The following CCDC81 variants were observed in gnomAD, a reference collection of about 807,000 sequenced individuals.
CCDC81 encodes the protein coiled-coil domain-containing protein 81.
CCDC81 carries 79 observed loss-of-function variants against 83.7 expected under a neutral mutation model. The ratio of observed to expected loss-of-function variants is 0.94; its 90% confidence interval spans 0.79 to 1.14. The LOEUF is 1.14. Among genes scored for constraint, CCDC81 ranks in the 50% most tolerant of loss-of-function variants. The pLI, the probability that CCDC81 is intolerant of heterozygous loss-of-function variation, is 0.00. For synonymous variants in CCDC81, 252 were observed against 278.1 expected (o/e 0.91, Z 0.93); for missense variants, 791 against 778.1 (o/e 1.02, Z -0.20).
intron 2 of CCDC81, among the ~76,000 whole-genome samples, chr11:86,386,745 TTAAA>T (rs767647352): frequency 2.3e-4 from 35 of 152,226 alleles, no homozygotes; most frequent in Admixed American, 5.2e-4. Flanking sequence ...TTATCAGCAC[TTAAA>T]CTTGGGAAAA....
At chr11:86,400,655 T>A in intron 6 of CCDC81, 23 bp from the exon 7 acceptor site, 1 of 1,573,616 alleles carries the variant, frequency 6.4e-7, no homozygotes, top group Non-Finnish European at 8.7e-7. Context: ...GAGACTCGTT[T>A]TCATTCATTC....
At chr11:86,420,484 A>G (rs944287085) in intron 14 of CCDC81, among the ~76,000 whole-genome samples, 1 of 152,204 alleles carries the variant, frequency 6.6e-6, no homozygotes, top group Non-Finnish European at 1.5e-5. Context: ...AACCAAGAGC[A>G]TCTTTCTGAA....
rs138508969 is a variant in CCDC81 at position 86,420,052 on chromosome 11, C to T, written c.1816C>T (p.Arg606Trp). Residue 606 changes from arginine to tryptophan, a missense_variant and splice_region_variant, in exon 14 of 15, where the codon CGG (arginine) becomes TGG (tryptophan). By Grantham distance (101) the Arg-to-Trp change is moderately radical. Coordinates refer to ENST00000445632, the MANE Select transcript of CCDC81 (RefSeq NM_001156474.2). ...AGACCTGGAGGACAAGGCTTTTGAA[C>T]GGTAATGCCTGATTGGAACCCCAAA... Reference protein sequence around the residue: ...QRDLEDKAFERASDKLFLLDQ... With the variant: ...QRDLEDKAFEWASDKLFLLDQ... The T allele has an allele frequency of 1.2e-4, 200 of 1,610,336 alleles. No individual in the cohort carries two copies. Among genetic ancestry groups the T allele is most frequent in the Non-Finnish European group, 1.5e-4 (181 of 1,178,924 alleles).
At chr11:86,412,038 T>C (rs895284531) in intron 10 of CCDC81, among the ~76,000 whole-genome samples, 2 of 152,218 alleles carry the variant, frequency 1.3e-5, no homozygotes, top group Non-Finnish European at 2.9e-5. Context: ...ACCCCTACTT[T>C]TAGTTGGTCA....
intron 7 of CCDC81, among the ~76,000 whole-genome samples, chr11:86,401,397 C>T (rs531148291): frequency 1.4e-4 from 22 of 152,266 alleles, no homozygotes; most frequent in African/African-American, 5.3e-4. Context: ...GAGCACCTAA[C>T]TATGTACTTT....
chr11:86,378,333 G>A, intron 1 of CCDC81, among the ~76,000 whole-genome samples: 1 of 152,040 alleles, frequency 6.6e-6, no homozygotes, highest in East Asian at 1.9e-4. Flanking sequence ...TCTGACAGCA[G>A]GCATTGTATG....
chr11:86,396,070 T>G (rs1948405963), intron 5 of CCDC81, among the ~76,000 whole-genome samples: 3 of 152,238 alleles, frequency 2.0e-5, no homozygotes, highest in African/African-American at 7.2e-5. Flanking sequence ...TAGCTGCTGC[T>G]TCTTCCTTCA....
intron 5 of CCDC81, among the ~76,000 whole-genome samples, chr11:86,395,905 G>T (rs1037364950): frequency 5.9e-5 from 9 of 152,136 alleles, no homozygotes; most frequent in African/African-American, 2.2e-4. Context: ...TTACAGGCGT[G>T]AGCCACCAGG....
At chr11:86,408,834 G>A (rs1017861072) in intron 9 of CCDC81, among the ~76,000 whole-genome samples, 2 of 152,090 alleles carry the variant, frequency 1.3e-5, no homozygotes, top group African/African-American at 2.4e-5. Context: ...TTTTAAAGGT[G>A]GAATTATTGG....
chr11:86,410,406 A>G (rs1014704326), intron 10 of CCDC81, among the ~76,000 whole-genome samples: 6 of 152,196 alleles, frequency 3.9e-5, no homozygotes, highest in Non-Finnish European at 8.8e-5. Context: ...TGTGTGGTAT[A>G]ATAAATGCGA....
chr11:86,392,403 G>C (rs2138509956), intron 3 of CCDC81, 138 bp from the exon 4 acceptor site: 1 of 960,274 alleles, frequency 1.0e-6, no homozygotes, highest in East Asian at 2.7e-5. Context: ...TATTACATTG[G>C]GTACAACTAA....
intron 10 of CCDC81, among the ~76,000 whole-genome samples, chr11:86,411,159 G>A (rs1948636764): frequency 6.6e-6 from 1 of 152,058 alleles, no homozygotes; most frequent in Non-Finnish European, 1.5e-5. Flanking sequence ...AATTCTACAC[G>A]CTTTGACTCC....
intron 3 of CCDC81, among the ~76,000 whole-genome samples, chr11:86,388,997 C>T (rs1025871379): frequency 3.9e-5 from 6 of 151,932 alleles, no homozygotes; most frequent in African/African-American, 9.7e-5. Flanking sequence ...AATTCTAGGC[C>T]GGGCATGGTG....
chr11:86,412,175 C>G (rs537849181), intron 10 of CCDC81, among the ~76,000 whole-genome samples: 67 of 152,336 alleles, frequency 4.4e-4, no homozygotes, highest in African/African-American at 1.6e-3. Flanking sequence ...GACCAAACCC[C>G]TGGTGTTTTG....
At chr11:86,412,080 C>T (rs1948650372) in intron 10 of CCDC81, among the ~76,000 whole-genome samples, 1 of 152,200 alleles carries the variant, frequency 6.6e-6, no homozygotes, top group Non-Finnish European at 1.5e-5. Flanking sequence ...TCTCTCATCT[C>T]CTTGGCTACA....
intron 11 of CCDC81, among the ~76,000 whole-genome samples, chr11:86,413,171 G>A (rs761013776): frequency 2.0e-5 from 3 of 151,226 alleles, no homozygotes; most frequent in Non-Finnish European, 4.4e-5. Flanking sequence ...CAAACTCCAC[G>A]TCATTCCACT....
chr11:86,379,488 C>T (rs562690370), intron 1 of CCDC81, among the ~76,000 whole-genome samples: 147 of 152,254 alleles, frequency 9.7e-4, no homozygotes, highest in South Asian at 1.7e-3. Context: ...AACACTGTAC[C>T]ACTTCACAGG....
intron 10 of CCDC81, among the ~76,000 whole-genome samples, chr11:86,409,776 A>C (rs1948613516): frequency 6.6e-6 from 1 of 152,080 alleles, no homozygotes; most frequent in Admixed American, 6.6e-5. Context: ...TAAGCAGCGG[A>C]GTTGAAAAGT....
chr11:86,412,218 C>T (rs1447379803), intron 10 of CCDC81, among the ~76,000 whole-genome samples, 169 bp from the exon 11 acceptor site: 1 of 152,234 alleles, frequency 6.6e-6, no homozygotes, highest in African/African-American at 2.4e-5. Flanking sequence ...CATCCTTGAA[C>T]ACACTCATAT....
Sources: allele counts gnomAD v4.1 joint callset (sites outside exome capture counted in the v4.1 genomes callset), GRCh38; gene constraint gnomAD v4.1.1; transcripts MANE v1.5; gene names NCBI Gene and HGNC (gene_info 2026-07-23, HGNC 2026-07-21).